Variants in XXYLT1 observed in about 807,000 individuals in gnomAD.
XXYLT1 encodes the protein xyloside xylosyltransferase 1.
Under a neutral mutation model 28.9 loss-of-function variants are expected in XXYLT1, and 20 were observed. The observed-to-expected ratio is 0.69, with a 90% CI of 0.49 to 1.00. The LOEUF is 1.00. Among genes scored for constraint, XXYLT1 ranks in the 50% least tolerant of loss-of-function variants. The pLI is 0.00. For missense variants in XXYLT1, 542 were observed against 560.1 expected (o/e 0.97, Z 0.33); for synonymous variants, 257 against 253.8 (o/e 1.01, Z -0.12).
At chr3:195,252,543 G>T (rs1725297861) in intron 1 of XXYLT1, among the ~76,000 whole-genome samples, 1 of 152,094 alleles carries the variant, frequency 6.6e-6, no homozygotes, top group African/African-American at 2.4e-5. Context: ...ATAATGAAGA[G>T]GCAAGAGAGT....
rs1212702249 is a variant in XXYLT1 at position 195,257,979 on chromosome 3, C to T, written c.504+12576G>A. ...ACCCTGTGTCTTCCTACCCCCTAGACAGCAGGTGGCCAAGGGTGCCCTAAG... is the reference window on the plus strand; with the variant it reads ...ACCCTGTGTCTTCCTACCCCCTAGATAGCAGGTGGCCAAGGGTGCCCTAAG... On this transcript the variant is annotated intron_variant, in intron 1 of 3. Coordinates refer to ENST00000310380, the MANE Select transcript of XXYLT1 (RefSeq NM_152531.5). This position sits in a 1 kb window ranked among gnomAD's most constrained non-coding sequence, Gnocchi z 4.3. 6.6e-6 allele frequency among the ~76,000 whole-genome samples: 1 copy of T among 152,180 alleles called. No individual in the cohort carries two copies. Among genetic ancestry groups the T allele is most frequent in the Non-Finnish European group, 1.5e-5 (1 of 68,014 alleles).
At chr3:195,087,483 C>A (rs1233764620) in intron 3 of XXYLT1, 2 of 152,312 alleles carry the variant, frequency 1.3e-5, no homozygotes, top group Non-Finnish European at 2.9e-5. Flanking sequence ...ACAGGTATGC[C>A]TGGAGCTGGT....
chr3:195,154,411 A>G (rs62285221), intron 3 of XXYLT1, among the ~76,000 whole-genome samples: 25,496 of 152,086 alleles, frequency 0.17, 2,449 homozygotes, highest in East Asian at 0.41. Context: ...AGAAACCAGG[A>G]AATAAATCAC....
intron 3 of XXYLT1, among the ~76,000 whole-genome samples, chr3:195,122,466 T>C (rs1232933165): frequency 3.7e-4 from 57 of 152,286 alleles, no homozygotes; most frequent in Non-Finnish European, 1.6e-4. Flanking sequence ...TTGGTAGTAC[T>C]GTAGTAGTAG....
Position 195,270,636 on chromosome 3 carries a change from G to A in XXYLT1, c.423C>T (p.Phe141=), listed in dbSNP as rs1456821773. 6.4e-7 allele frequency: 1 copy of A among 1,551,166 alleles called. No homozygotes were observed. The highest frequency in any genetic ancestry group is 8.7e-7 in the Non-Finnish European group (1 of 1,153,282). ...FEAHEVLNLH[F]VSEEASREVA... ...CCTCGCGGCTGGCCTCCTCGCTCAC[G>A]AAGTGAAGGTTAAGCACCTCGTGCG... Residue 141 remains phenylalanine (F), a synonymous_variant, in exon 1 of 4, where the codon TTC becomes TTT. Transcript: ENST00000310380.
chr3:195,122,191 A>G (rs1241776017), intron 3 of XXYLT1: 1 of 702,836 alleles, frequency 1.4e-6, no homozygotes, highest in Non-Finnish European at 2.6e-6. Flanking sequence ...CATCCCATTC[A>G]TGATGACCTA....
At chr3:195,223,146 T>G (rs564291113) in intron 2 of XXYLT1, among the ~76,000 whole-genome samples, 1 of 151,694 alleles carries the variant, frequency 6.6e-6, no homozygotes, top group Non-Finnish European at 1.5e-5. Flanking sequence ...GGCAGGAGAA[T>G]TGCTTGAACC....
At chr3:195,214,591 G>A (rs1171976300) in intron 2 of XXYLT1, among the ~76,000 whole-genome samples, 1 of 152,158 alleles carries the variant, frequency 6.6e-6, no homozygotes, top group Non-Finnish European at 1.5e-5. Flanking sequence ...CAATCGTAGG[G>A]GGGCAGTGGC....
At chr3:195,188,420 C>T (rs1722288038) in intron 2 of XXYLT1, among the ~76,000 whole-genome samples, 1 of 152,204 alleles carries the variant, frequency 6.6e-6, no homozygotes, top group African/African-American at 2.4e-5. Flanking sequence ...AGTTACCACC[C>T]TCATCCTAGA....
chr3:195,156,709 C>G, intron 2 of XXYLT1, 128 bp from the exon 3 acceptor site: 1 of 1,244,330 alleles, frequency 8.0e-7, no homozygotes, highest in Non-Finnish European at 1.1e-6. Context: ...GAATGATGCA[C>G]AGTTACCGCT....
chr3:195,131,875 A>G (rs1213471289), intron 3 of XXYLT1, among the ~76,000 whole-genome samples: 1 of 152,238 alleles, frequency 6.6e-6, no homozygotes, highest in Non-Finnish European at 1.5e-5. Flanking sequence ...GACAAATTCT[A>G]TAAAATGAGG....
intron 2 of XXYLT1, among the ~76,000 whole-genome samples, chr3:195,191,766 A>G (rs956556121): frequency 6.6e-6 from 1 of 152,156 alleles, no homozygotes; most frequent in Non-Finnish European, 1.5e-5. Flanking sequence ...AGATCATTAG[A>G]GAGAGACATT....
intron 3 of XXYLT1, among the ~76,000 whole-genome samples, chr3:195,116,366 G>A (rs935756494): frequency 1.3e-4 from 20 of 152,068 alleles, no homozygotes; most frequent in Non-Finnish European, 2.2e-4. Flanking sequence ...TGGGGATCTC[G>A]TTAAAATGTA....
In XXYLT1 at chr3:195,270,614, C is replaced by G. The variant is rs1242501276; in HGVS notation, c.445G>C (p.Glu149Gln). 2.0e-6 allele frequency: 3 copies of G among 1,492,454 alleles called. No individual in the cohort carries two copies. In the South Asian group the frequency reaches 3.8e-5, roughly 19 times the overall value. The allele number at this position is 1,492,454 out of a possible 1,614,324, so 92.5% of individuals were successfully genotyped here. ...LHFVSEEASR[E>Q]VAKGLLRELL... is the part of the protein sequence containing the mutation. ...TCCCGCAGCAGGCCCTTGGCCACCT[C>G]GCGGCTGGCCTCCTCGCTCACGAAG... The change falls in exon 1 of 4, where the codon GAG becomes CAG. Residue 149 changes from glutamate (E) to glutamine (Q), a missense_variant. Transcript: ENST00000310380.
intron 1 of XXYLT1, among the ~76,000 whole-genome samples, chr3:195,243,760 A>C (rs189715052): frequency 1.3e-5 from 2 of 152,268 alleles, no homozygotes; most frequent in Non-Finnish European, 2.9e-5. Context: ...AAAAGGTAAC[A>C]GTCATAATGG....
intron 3 of XXYLT1, among the ~76,000 whole-genome samples, chr3:195,114,913 G>C (rs1425447049): frequency 6.6e-6 from 1 of 152,252 alleles, no homozygotes; most frequent in Non-Finnish European, 1.5e-5. Flanking sequence ...CTAACGCCAA[G>C]TGTGGGAAGA....
intron 1 of XXYLT1, among the ~76,000 whole-genome samples, chr3:195,241,422 T>C (rs1034066361): frequency 2.0e-5 from 3 of 152,144 alleles, no homozygotes; most frequent in Non-Finnish European, 4.4e-5. Context: ...GATTGAGTGA[T>C]GGATGGGCAG....
At chr3:195,197,539 A>G (rs1450104269) in intron 2 of XXYLT1, among the ~76,000 whole-genome samples, 3 of 152,150 alleles carry the variant, frequency 2.0e-5, no homozygotes, top group African/African-American at 4.8e-5. Flanking sequence ...TGTTATTCTG[A>G]TAAGTATCCT....
chr3:195,263,416 A>C (rs139798547), intron 1 of XXYLT1, among the ~76,000 whole-genome samples: 2,743 of 152,246 alleles, frequency 0.018, 42 homozygotes, highest in Non-Finnish European at 0.028. Flanking sequence ...TGAAGTCATT[A>C]AGAGGGATTC....
Sources: allele counts gnomAD v4.1 joint callset (sites outside exome capture counted in the v4.1 genomes callset), GRCh38; gene constraint gnomAD v4.1.1; non-coding constraint Gnocchi (gnomAD v3.1); transcripts MANE v1.5; gene names NCBI Gene and HGNC (gene_info 2026-07-23, HGNC 2026-07-21).